The following ANKRA2 variants were observed in gnomAD, a reference collection of about 807,000 sequenced individuals.
The protein encoded by ANKRA2 is ankyrin repeat family A protein 2.
A neutral mutation model predicts 37.8 loss-of-function variants in ANKRA2; 33 were observed. The ratio of observed to expected loss-of-function variants is 0.87; its 90% CI spans 0.66 to 1.17. The LOEUF (loss-of-function observed/expected upper bound fraction) is 1.17, where lower values mean the gene tolerates loss of function less well. Ranked by LOEUF, ANKRA2 falls within the 50% of genes most tolerant of loss-of-function variation. The probability of loss-of-function intolerance (pLI) is 0.00; values close to 1 mark genes in which losing one functional copy is unlikely to be tolerated. For synonymous variants in ANKRA2, 126 were observed against 132.3 expected, an observed-to-expected ratio of 0.95 and a Z score of 0.33; for missense variants, 326 against 373.7, an observed-to-expected ratio of 0.87 and a Z score of 1.05.
intron 3 of ANKRA2, among the ~76,000 whole-genome samples, chr5:73,559,364 A>C (rs1036059017): frequency 7.2e-5 from 11 of 152,130 alleles, no homozygotes; most frequent in African/African-American, 1.9e-4. Context: ...TTTTTTTAAC[A>C]TACTTATACT....
intron 3 of ANKRA2, among the ~76,000 whole-genome samples, chr5:73,559,065 T>C (rs914222355): frequency 7.9e-5 from 12 of 152,206 alleles, no homozygotes; most frequent in Non-Finnish European, 1.6e-4. Context: ...ACTTCAATGA[T>C]ACGATTGGAT....
chr5:73,559,660 TTAACTCAC>T (rs1347679738), intron 3 of ANKRA2, among the ~76,000 whole-genome samples: 1 of 126,446 alleles, frequency 7.9e-6, no homozygotes, highest in Admixed American at 9.5e-5. Context: ...TTATTATTTA[TTAACTCAC>T]TATTTTTACA....
At chr5:73,553,377 A>G (rs1747302201) in intron 8 of ANKRA2, 29 bp downstream of exon 8, 2 of 1,542,422 alleles carry the variant, frequency 1.3e-6, no homozygotes, top group African/African-American at 1.4e-5. Flanking sequence ...CTTTACTAAG[A>G]TGAGACACAG....
chr5:73,552,490 G>A lies in ANKRA2; in HGVS notation c.*307C>T. 4.3e-6 allele frequency: 1 copy of A among 234,818 alleles called. No homozygotes were observed. Among genetic ancestry groups the A allele is most frequent in the Non-Finnish European group, 8.1e-6 (1 of 123,098 alleles). The allele number at this position is 234,818 out of a possible 1,614,324, so 14.5% of individuals were successfully genotyped here. On this transcript the variant is annotated 3_prime_UTR_variant, in exon 9 of 9. Coordinates refer to ENST00000296785, the MANE Select transcript of ANKRA2 (RefSeq NM_023039.5). ...TAATACACGAGTGAAGATGACTAGG[G>A]TAGAATAATTTCTGAAAATGTCAAA...
In ANKRA2 at chr5:73,562,805, C is replaced by T. The variant is rs778965026; in HGVS notation, c.77G>A (p.Gly26Asp). ...EECPSTYSLT[G>D]MPDIKIEHPL... ...ATGTTCTATTTTAATGTCTGGCATG[C>T]CAGTTAGGCTATAAGTGCTGGGACA... Residue 26 changes from glycine (G) to aspartate (D), a missense_variant, in exon 2 of 9, where the codon GGC (glycine) becomes GAC (aspartate). Physicochemically the swap from Gly to Asp is moderately conservative, Grantham distance 94. Around this residue, in one of 3 missense-constraint regions of ANKRA2, gnomAD observed 93 missense variants for 91.1 expected, o/e 1.02. Coordinates refer to ENST00000296785, the MANE Select transcript of ANKRA2 (RefSeq NM_023039.5). The T allele has an allele frequency of 2.5e-6, 4 of 1,614,000 alleles. No homozygotes were observed. The African/African-American group carries it at 4.0e-5, about 16-fold the overall frequency.
At chr5:73,563,206 C>T (rs1053564434) in intron 1 of ANKRA2, among the ~76,000 whole-genome samples, 4 of 152,136 alleles carry the variant, frequency 2.6e-5, no homozygotes, top group Admixed American at 6.5e-5. Flanking sequence ...TCTGAGCTTC[C>T]GTGTCATTTA....
chr5:73,557,892 C>T (rs1007546929), intron 3 of ANKRA2, among the ~76,000 whole-genome samples: 4 of 152,012 alleles, frequency 2.6e-5, no homozygotes, highest in African/African-American at 9.7e-5. Context: ...GCCTGGCCAA[C>T]GTGGCAAAAC....
In ANKRA2 at chr5:73,565,426, A is replaced by G. The variant is rs1466507678; in HGVS notation, c.-399T>C. 1 of 230,678 alleles carries G rather than the reference A, an allele frequency of 4.3e-6. No homozygotes were observed. Among genetic ancestry groups the G allele is most frequent in the Non-Finnish European group, 8.8e-6 (1 of 113,748 alleles). 14.3% of individuals were successfully genotyped at this position (230,678 alleles called of 1,614,324 possible). A position where few individuals can be genotyped will look rare whatever the true frequency, so the allele number is the denominator to read the frequency against. On this transcript the variant is annotated 5_prime_UTR_variant, in exon 1 of 9. Coordinates refer to ENST00000296785, the MANE Select transcript of ANKRA2 (RefSeq NM_023039.5). ...CAAGCCCGGGCTTGTTTTGGCCGCG[A>G]CGTCACTTCCGATTTCTTCTTTCGC... is the stretch of plus-strand genomic sequence containing the variant.
At chr5:73,559,220 G>C (rs1037914497) in intron 3 of ANKRA2, among the ~76,000 whole-genome samples, 1 of 151,996 alleles carries the variant, frequency 6.6e-6, no homozygotes, top group Non-Finnish European at 1.5e-5. Context: ...AAATCAGGAG[G>C]GATTTAGTGT....
intron 3 of ANKRA2, among the ~76,000 whole-genome samples, chr5:73,559,170 A>AG (rs1747478703): frequency 6.6e-6 from 1 of 152,218 alleles, no homozygotes; most frequent in South Asian, 2.1e-4. Flanking sequence ...GTCCTACAGG[A>AG]AGATTCTTCC....
At chr5:73,558,976 A>G (rs1160504487) in intron 3 of ANKRA2, among the ~76,000 whole-genome samples, 1 of 152,256 alleles carries the variant, frequency 6.6e-6, no homozygotes, top group Non-Finnish European at 1.5e-5. Flanking sequence ...TCTATGGTGG[A>G]TTATTTTAAG....
At chr5:73,560,391 C>T (rs1747516072) in intron 3 of ANKRA2, among the ~76,000 whole-genome samples, 1 of 151,864 alleles carries the variant, frequency 6.6e-6, no homozygotes, top group South Asian at 2.1e-4. Flanking sequence ...GACAGGGTCT[C>T]ACTCTGTCAC....
In ANKRA2 at chr5:73,562,146, A is replaced by T. The variant is rs185754714; in HGVS notation, c.289+447T>A. On this transcript the variant is annotated intron_variant, in intron 2 of 8. Transcript: ENST00000296785. Reference sequence around the variant, plus strand: ...ATTCTTGTACCTCAGCCTCCCAAGTAGCTGGGATTACAGGTGGACGCCACC... The same window carrying T: ...ATTCTTGTACCTCAGCCTCCCAAGTTGCTGGGATTACAGGTGGACGCCACC... Among the ~76,000 whole-genome samples, 3 of 152,060 alleles carry T rather than the reference A, an allele frequency of 2.0e-5. No homozygotes were observed. The East Asian group carries it at 5.8e-4, about 30-fold the overall frequency.
rs1308212365 is a variant in ANKRA2 at position 73,561,223 on chromosome 5, T to C, written c.355A>G (p.Thr119Ala). 6.2e-7 allele frequency: 1 copy of C among 1,613,228 alleles called. No individual in the cohort carries two copies. The highest frequency in any genetic ancestry group is 1.3e-5 in the African/African-American group (1 of 75,014). ...TTTATGGGTGAGAAATGCTTTGTTG[T>C]AGAGGGGGTGTAGACATGCCTTACT... ...IQVRHVYTPS[T>A]TKHFSPIKQS... The change falls in exon 3 of 9, where the codon ACA becomes GCA. Residue 119 changes from threonine to alanine, a missense_variant. By Grantham distance (58) the Thr-to-Ala change is moderately conservative. Coordinates refer to ENST00000296785, the MANE Select transcript of ANKRA2 (RefSeq NM_023039.5).
At chr5:73,556,945 A>G (rs1747411490) in intron 4 of ANKRA2, among the ~76,000 whole-genome samples, 1 of 150,476 alleles carries the variant, frequency 6.6e-6, no homozygotes, top group African/African-American at 2.4e-5. Context: ...GTGAGGACAC[A>G]CATCTGGTTA....
intron 2 of ANKRA2, among the ~76,000 whole-genome samples, chr5:73,561,936 C>A (rs1408704191): frequency 2.6e-5 from 4 of 152,040 alleles, no homozygotes; most frequent in Admixed American, 2.6e-4. Flanking sequence ...AAAGTAAATG[C>A]ATATTAAATA....
intron 7 of ANKRA2, among the ~76,000 whole-genome samples, chr5:73,553,981 G>A (rs1416057405): frequency 6.6e-6 from 1 of 152,092 alleles, no homozygotes; most frequent in African/African-American, 2.4e-5. Context: ...ATGTTGGCCA[G>A]GCTGGTTTGA....
chr5:73,553,976 G>C (rs1747326339), intron 7 of ANKRA2, among the ~76,000 whole-genome samples: 1 of 151,968 alleles, frequency 6.6e-6, no homozygotes. Flanking sequence ...TCGCCATGTT[G>C]GCCAGGCTGG....
intron 6 of ANKRA2, 106 bp downstream of exon 6, chr5:73,554,754 CG>C: frequency 7.5e-7 from 1 of 1,332,124 alleles, no homozygotes; most frequent in Non-Finnish European, 1.0e-6. Flanking sequence ...GTGTACACCA[CG>C]ATGCTCAGTC....
Sources: allele counts gnomAD v4.1 joint callset (sites outside exome capture counted in the v4.1 genomes callset), GRCh38; gene constraint gnomAD v4.1.1; regional missense constraint gnomAD v4.1.1; transcripts MANE v1.5; gene names NCBI Gene and HGNC (gene_info 2026-07-23, HGNC 2026-07-21).